The following PLA2G12B variants were observed in gnomAD, a reference collection of about 807,000 sequenced individuals.
PLA2G12B encodes the protein phospholipase A2 group XIIB.
In PLA2G12B, 19 loss-of-function variants were observed where a neutral mutation model predicts 22.3. The ratio of observed to expected loss-of-function variants is 0.85; its 90% CI spans 0.60 to 1.25. PLA2G12B has a LOEUF of 1.25. Among genes scored for constraint, PLA2G12B ranks in the 50% most tolerant of loss-of-function variants. The pLI is 0.00. For synonymous variants in PLA2G12B, 81 were observed against 94.9 expected, an observed-to-expected ratio of 0.85 and a Z score of 0.85; for missense variants, 191 against 246.6, an observed-to-expected ratio of 0.77 and a Z score of 1.51.
At chr10:72,945,968 C>A (rs1426966304) in intron 1 of PLA2G12B, among the ~76,000 whole-genome samples, 2 of 152,098 alleles carry the variant, frequency 1.3e-5, no homozygotes, top group African/African-American at 4.8e-5. Flanking sequence ...ATTTTAATCT[C>A]TTTGTTATAT....
Position 72,941,329 on chromosome 10 carries a change from G to A in PLA2G12B, c.306C>T (p.Asp102=), listed in dbSNP as rs777018150. 9 of 1,613,066 alleles carry A rather than the reference G, an allele frequency of 5.6e-6. No individual in the cohort carries two copies. Among genetic ancestry groups the A allele is most frequent in the Non-Finnish European group, 7.6e-6 (9 of 1,179,222 alleles). The part of the protein sequence containing the change: ...FLGLKVPESM[D]LGIPAMTKCC... ...ACTTTGTCATTGCTGGAATGCCCAA[G>A]TCCATCTGGGGAAAAGTGAAGGAAG... The change falls in exon 3 of 4, where the codon GAC becomes GAT. Residue 102 remains aspartate (D), a synonymous_variant. Coordinates refer to ENST00000373032, the MANE Select transcript of PLA2G12B (RefSeq NM_032562.5).
Position 72,935,496 on chromosome 10 carries a change from T to A in PLA2G12B, c.*121A>T, listed in dbSNP as rs1177193424. 19 of 1,403,770 alleles carry A rather than the reference T, an allele frequency of 1.4e-5. No homozygotes were observed. The highest frequency in any genetic ancestry group is 1.8e-5 in the Non-Finnish European group (19 of 1,037,468). 87.0% of individuals were successfully genotyped at this position (1,403,770 alleles called of 1,614,324 possible). A position where few individuals can be genotyped will look rare whatever the true frequency, so the allele number is the denominator to read the frequency against. ...CAGCTGTAGAAAAATGTTCCCTTTCTCCTGCTTTGTGGTGTCCAAACTGTT... is the reference window on the plus strand; with the variant it reads ...CAGCTGTAGAAAAATGTTCCCTTTCACCTGCTTTGTGGTGTCCAAACTGTT... On this transcript the variant is annotated 3_prime_UTR_variant, in exon 4 of 4. Transcript: ENST00000373032.
At chr10:72,938,719 A>T in intron 3 of PLA2G12B, among the ~76,000 whole-genome samples, 1 of 152,236 alleles carries the variant, frequency 6.6e-6, no homozygotes, top group East Asian at 1.9e-4. Flanking sequence ...ATATAAATAT[A>T]ATCTTGTTAA....
intron 1 of PLA2G12B, among the ~76,000 whole-genome samples, chr10:72,948,746 G>A (rs1846481319): frequency 6.6e-6 from 1 of 152,206 alleles, no homozygotes; most frequent in African/African-American, 2.4e-5. Context: ...CTTGATGTGA[G>A]GATGATTTTC....
At chr10:72,951,137 C>A (rs1846524653) in intron 1 of PLA2G12B, among the ~76,000 whole-genome samples, 1 of 152,260 alleles carries the variant, frequency 6.6e-6, no homozygotes, top group East Asian at 1.9e-4. Flanking sequence ...TGTATATTAT[C>A]TTTAATTCTC....
At position 72,954,802 on chromosome 10, in the gene PLA2G12B, C is replaced by T. The variant is rs1846595014; in HGVS notation, c.-117G>A. 4 of 1,054,342 alleles carry T rather than the reference C, an allele frequency of 3.8e-6. No individual in the cohort carries two copies. Among genetic ancestry groups the T allele is most frequent in the African/African-American group, 1.6e-5 (1 of 62,778 alleles). 65.3% of individuals were successfully genotyped at this position (1,054,342 alleles called of 1,614,324 possible). A position where few individuals can be genotyped will look rare whatever the true frequency, so the allele number is the denominator to read the frequency against. On this transcript the variant is annotated 5_prime_UTR_variant, in exon 1 of 4. An upstream start codon of the reference 5' UTR is lost. Coordinates refer to ENST00000373032, the MANE Select transcript of PLA2G12B (RefSeq NM_032562.5). Reference sequence around the variant, plus strand: ...GGACTGGGAAAGGGATTATCTGGAACATTCAATCTGTCTGTTCCCCAGAGG... The same window carrying T: ...GGACTGGGAAAGGGATTATCTGGAATATTCAATCTGTCTGTTCCCCAGAGG...
intron 1 of PLA2G12B, among the ~76,000 whole-genome samples, chr10:72,951,136 T>C (rs1377051607): frequency 6.6e-6 from 1 of 152,228 alleles, no homozygotes; most frequent in Non-Finnish European, 1.5e-5. Flanking sequence ...ATGTATATTA[T>C]CTTTAATTCT....
chr10:72,941,392 G>A (rs1319547193), intron 2 of PLA2G12B, 58 bp from the exon 3 acceptor site: 51 of 1,531,696 alleles, frequency 3.3e-5, no homozygotes, highest in Admixed American at 5.2e-5. Flanking sequence ...TTAGACTAAG[G>A]ACCTTAGGCA....
chr10:72,954,642 C>A lies in PLA2G12B; in HGVS notation c.44G>T (p.Gly15Val). Reference protein sequence around the residue: ...SGFLVLWLSLGGGLAQSDTSP... With the variant: ...SGFLVLWLSLVGGLAQSDTSP... ...CGTGTCGCTCTGAGCCAGGCCACCC[C>A]CAAGGCTGAGCCACAAAACCAAGAA... Residue 15 changes from glycine (G) to valine (V), a missense_variant, in exon 1 of 4, where the codon GGG becomes GTG. Coordinates refer to ENST00000373032, the MANE Select transcript of PLA2G12B (RefSeq NM_032562.5). 6.2e-7 allele frequency: 1 copy of A among 1,614,110 alleles called. No individual in the cohort carries two copies. Among genetic ancestry groups the A allele is most frequent in the Non-Finnish European group, 8.5e-7 (1 of 1,180,026 alleles).
Position 72,950,033 on chromosome 10 carries a change from C to T in PLA2G12B, c.211+4442G>A, listed in dbSNP as rs146303669. On this transcript the variant is annotated intron_variant, in intron 1 of 3. Coordinates refer to ENST00000373032, the MANE Select transcript of PLA2G12B (RefSeq NM_032562.5). The stretch of plus-strand genomic sequence containing the variant: ...GAAAGAAAGGTATGTCCTCCTTCCT[C>T]CCAGAAACACTCAGATGCACCATGA... Among the ~76,000 whole-genome samples, 594 of 152,194 alleles carry T rather than the reference C, an allele frequency of 3.9e-3. 3 individuals carry two copies. Among genetic ancestry groups the T allele is most frequent in the African/African-American group, 0.014 (576 of 41,548 alleles).
At chr10:72,935,826 T>C (rs1846272342) in intron 3 of PLA2G12B, 88 bp from the exon 4 acceptor site, 1 of 1,450,542 alleles carries the variant, frequency 6.9e-7, no homozygotes, top group Non-Finnish European at 9.4e-7. Context: ...CAGAGGAAAG[T>C]AGAGACAGTA....
chr10:72,945,547 C>G (rs1369510525), intron 1 of PLA2G12B, among the ~76,000 whole-genome samples: 7 of 152,088 alleles, frequency 4.6e-5, no homozygotes, highest in Admixed American at 1.3e-4. Flanking sequence ...TCCAGGATCC[C>G]TGACCCTCAG....
Position 72,948,003 on chromosome 10 carries a change from T to C in PLA2G12B, c.212-5263A>G, listed in dbSNP as rs1438943133. Among the ~76,000 whole-genome samples, 5 of 152,158 alleles carry C rather than the reference T, an allele frequency of 3.3e-5. No individual in the cohort carries two copies. The East Asian group carries it at 7.7e-4, about 23-fold the overall frequency. ...CATTCTCCTGCCTCAGCCTCCTGAG[T>C]AGCTGGTATTACAGGCGCCTGCCAC... On this transcript the variant is annotated intron_variant, in intron 1 of 3. Transcript: ENST00000373032.
Position 72,952,665 on chromosome 10 carries a change from G to A in PLA2G12B, c.211+1810C>T, listed in dbSNP as rs528343563. On this transcript the variant is annotated intron_variant, in intron 1 of 3. Coordinates refer to ENST00000373032, the MANE Select transcript of PLA2G12B (RefSeq NM_032562.5). ...ATTTTGTACTCTTTTGGGCACAGCC[G>A]CCAGGTTTTTGGCTCTACTGGGTTC... is the stretch of plus-strand genomic sequence containing the variant. 7.9e-5 allele frequency among the ~76,000 whole-genome samples: 12 copies of A among 152,322 alleles called. No homozygotes were observed. The South Asian group carries it at 1.2e-3, about 16-fold the overall frequency.
chr10:72,952,532 G>C (rs1190844880), intron 1 of PLA2G12B, among the ~76,000 whole-genome samples: 5 of 152,188 alleles, frequency 3.3e-5, no homozygotes, highest in Non-Finnish European at 7.3e-5. Flanking sequence ...TAAAAGACGA[G>C]CACGGTGCAT....
At chr10:72,947,211 C>G (rs942515847) in intron 1 of PLA2G12B, among the ~76,000 whole-genome samples, 1 of 151,804 alleles carries the variant, frequency 6.6e-6, no homozygotes, top group Non-Finnish European at 1.5e-5. Flanking sequence ...AGGCATGAGC[C>G]ACTGTGCCCT....
chr10:72,942,258 C>G (rs1846375179), intron 2 of PLA2G12B, among the ~76,000 whole-genome samples: 1 of 151,694 alleles, frequency 6.6e-6, no homozygotes, highest in Admixed American at 6.6e-5. Flanking sequence ...CAGCTGCTTG[C>G]AAAAGTCATG....
At chr10:72,940,210 A>C (rs1272833685) in intron 3 of PLA2G12B, among the ~76,000 whole-genome samples, 1 of 152,068 alleles carries the variant, frequency 6.6e-6, no homozygotes, top group African/African-American at 2.4e-5. Context: ...AATTCTCTCT[A>C]CTGCAGACAC....
intron 1 of PLA2G12B, among the ~76,000 whole-genome samples, chr10:72,954,108 C>G (rs1371317919): frequency 6.6e-6 from 1 of 152,086 alleles, no homozygotes; most frequent in Non-Finnish European, 1.5e-5. Flanking sequence ...TACCCACCCT[C>G]CTTCTTCCCA....
Sources: allele counts gnomAD v4.1 joint callset (sites outside exome capture counted in the v4.1 genomes callset), GRCh38; gene constraint gnomAD v4.1.1; transcripts MANE v1.5; gene names NCBI Gene and HGNC (gene_info 2026-07-23, HGNC 2026-07-21).